The following ZNF519 variants were observed in gnomAD, a reference collection of about 807,000 sequenced individuals.
The protein encoded by ZNF519 is zinc finger protein 519, also known as similar to Zinc finger protein 85 (Zinc finger protein HPF4) (HTF1).
Under a neutral mutation model 7.4 loss-of-function variants are expected in ZNF519, and 7 were observed. The observed-to-expected ratio is 0.94, with a 90% CI of 0.54 to 1.77. The LOEUF is 1.77. ZNF519 is among the 40% of genes most tolerant of loss of function. The pLI is 0.00. For missense variants in ZNF519, 586 were observed against 623.1 expected (o/e 0.94, Z 0.63); for synonymous variants, 179 against 203.3 (o/e 0.88, Z 1.02).
chr18:14,080,325 T>TTG (rs2046065930), intron 3 of ZNF519: 2 of 91,880 alleles, frequency 2.2e-5, no homozygotes, highest in Admixed American at 1.1e-4. Flanking sequence ...GTTTTTTTTT[T>TTG]TTTTTTTTTT....
At chr18:14,129,054 A>G (rs1370252141) in intron 1 of ZNF519, among the ~76,000 whole-genome samples, 3 of 152,146 alleles carry the variant, frequency 2.0e-5, no homozygotes, top group Non-Finnish European at 4.4e-5. Context: ...ATCAAGAACT[A>G]TGGGTGGGGA....
At chr18:14,093,782 T>C (rs2046123561) in intron 2 of ZNF519, among the ~76,000 whole-genome samples, 1 of 152,188 alleles carries the variant, frequency 6.6e-6, no homozygotes, top group East Asian at 1.9e-4. Flanking sequence ...GCTTTAACAA[T>C]TGTCTGACTG....
At chr18:14,093,632 T>C (rs1361341274) in intron 2 of ZNF519, among the ~76,000 whole-genome samples, 1 of 152,332 alleles carries the variant, frequency 6.6e-6, no homozygotes, top group South Asian at 2.1e-4. Context: ...AACCAGAGTA[T>C]GTTCAGAGTG....
At chr18:14,122,833 G>A (rs937262970) in intron 2 of ZNF519, among the ~76,000 whole-genome samples, 1 of 151,602 alleles carries the variant, frequency 6.6e-6, no homozygotes, top group Non-Finnish European at 1.5e-5. Flanking sequence ...ACAACATGCA[G>A]GTTTGTTACA....
At chr18:14,115,029 T>A (rs565967158) in intron 2 of ZNF519, among the ~76,000 whole-genome samples, 2 of 152,240 alleles carry the variant, frequency 1.3e-5, no homozygotes, top group African/African-American at 4.8e-5. Flanking sequence ...CATTTCTTCA[T>A]AGATATATGC....
chr18:14,111,515 G>GAA (rs371322134), intron 2 of ZNF519, among the ~76,000 whole-genome samples: 2 of 72,638 alleles, frequency 2.8e-5, no homozygotes, highest in African/African-American at 5.1e-5. Context: ...TCAAAAAAAA[G>GAA]AAAAAAAAAA....
At chr18:14,123,218 T>TAAAAAAAAAAAAAAAAAAA (rs34503801) in intron 2 of ZNF519, 1 of 143,636 alleles carries the variant, frequency 7.0e-6, no homozygotes, top group African/African-American at 2.7e-5. Context: ...CTTGTTTTAT[T>TAAAAAAAAAAAAAAAAAAA]AAAAAAAAAA....
At chr18:14,112,202 C>T (rs995053616) in intron 2 of ZNF519, among the ~76,000 whole-genome samples, 126 of 152,178 alleles carry the variant, frequency 8.3e-4, no homozygotes, top group African/African-American at 2.8e-3. Flanking sequence ...TGTAATACAT[C>T]ATATCAACAA....
At chr18:14,076,584 G>A (rs2046048533) in exon 5 of ZNF519, 1 of 152,102 alleles carries the variant, frequency 6.6e-6, no homozygotes, top group African/African-American at 2.4e-5. Context: ...TTATTTCAAT[G>A]TCAGAATTGT....
rs140194373 is a variant in ZNF519, at chr18:14,127,901, A to G, written c.4-3425T>C. Among the ~76,000 whole-genome samples the G allele has an allele frequency of 3.3e-4, 50 of 151,788 alleles. No individual in the cohort carries two copies. The East Asian group carries it at 5.0e-3, about 15-fold the overall frequency. On this transcript the variant is annotated intron_variant, in intron 1 of 2. Coordinates refer to ENST00000590202, the MANE Select transcript of ZNF519 (RefSeq NM_145287.4). ...AATCCTGAGAAAGAAAGTTCCCTCT[A>G]AAGTGAAGCCTGGTGGGCACCTTGT...
chr18:14,116,954 T>A (rs538274110), intron 2 of ZNF519, among the ~76,000 whole-genome samples: 1 of 152,284 alleles, frequency 6.6e-6, no homozygotes, highest in Admixed American at 6.5e-5. Flanking sequence ...AAGGTTGCAG[T>A]GAACCAAGAT....
In ZNF519 at chr18:14,105,032, A is replaced by G; in HGVS notation, c.1508T>C (p.Leu503Pro). ...AGTATGAATTCTCTGATGTTGAGTA[A>G]GGTGTGAGCTCCTGGTAAAAGCTTT... ...CGKAFTRSSH[L>P]TQHQRIHTGE... The change falls in exon 3 of 3, where the codon CTT (leucine) becomes CCT (proline). Residue 503 changes from leucine to proline, a missense_variant. Coordinates refer to ENST00000590202, the MANE Select transcript of ZNF519 (RefSeq NM_145287.4). The G allele has an allele frequency of 6.2e-7, 1 of 1,605,198 alleles. No individual in the cohort carries two copies. The highest frequency in any genetic ancestry group is 1.1e-5 in the South Asian group (1 of 90,322).
intron 1 of ZNF519, among the ~76,000 whole-genome samples, chr18:14,130,876 A>G (rs2046326078): frequency 1.3e-5 from 2 of 151,750 alleles, no homozygotes; most frequent in Non-Finnish European, 2.9e-5. Flanking sequence ...AAAAATCCCA[A>G]GGGATTCTTT....
chr18:14,125,265 G>C (rs755440711), intron 1 of ZNF519, among the ~76,000 whole-genome samples: 2 of 152,190 alleles, frequency 1.3e-5, no homozygotes, highest in Non-Finnish European at 2.9e-5. Flanking sequence ...ACAAAGGCAG[G>C]AGATAATGGC....
chr18:14,086,077 G>A (rs1313917285), intron 2 of ZNF519, among the ~76,000 whole-genome samples: 1 of 152,130 alleles, frequency 6.6e-6, no homozygotes, highest in Non-Finnish European at 1.5e-5. Flanking sequence ...TCTAAACCCT[G>A]GGCAGCACAG....
chr18:14,101,970 T>G lies in ZNF519; in HGVS notation c.*2947A>C, dbSNP rs980897988. Reference sequence around the variant, plus strand: ...ATGAATAATTTTAAGACATATAATATTCTCTAATATTCAGGAATAAAGAGG... The same window carrying G: ...ATGAATAATTTTAAGACATATAATAGTCTCTAATATTCAGGAATAAAGAGG... On this transcript the variant is annotated 3_prime_UTR_variant, in exon 3 of 3. Transcript: ENST00000590202. 2.7e-6 allele frequency: 1 copy of G among 377,306 alleles called. No individual in the cohort carries two copies. Among genetic ancestry groups the G allele is most frequent in the African/African-American group, 2.1e-5 (1 of 48,196 alleles). 23.4% of individuals were successfully genotyped at this position (377,306 alleles called of 1,614,324 possible).
chr18:14,083,572 C>T (rs539147880), intron 3 of ZNF519, among the ~76,000 whole-genome samples: 28 of 152,212 alleles, frequency 1.8e-4, no homozygotes, highest in African/African-American at 6.3e-4. Flanking sequence ...CTTTATTTCT[C>T]GATGATATCA....
At chr18:14,099,156 A>T (rs2046149342), downstream of ZNF519, among the ~76,000 whole-genome samples, 2 of 151,658 alleles carry the variant, frequency 1.3e-5, no homozygotes, top group Non-Finnish European at 2.9e-5. Flanking sequence ...ACTTCCCACC[A>T]ACCTAGCCTC....
At chr18:14,094,352 C>T (rs1003427989) in intron 2 of ZNF519, among the ~76,000 whole-genome samples, 1 of 152,200 alleles carries the variant, frequency 6.6e-6, no homozygotes, top group African/African-American at 2.4e-5. Context: ...ATCGGTATCC[C>T]TGCCTTGTTC....
Sources: gnomAD v4.1 joint callset for allele counts (sites outside exome capture counted in the v4.1 genomes callset) on GRCh38, gnomAD v4.1.1 for gene constraint, MANE v1.5 for transcripts, NCBI Gene and HGNC (gene_info 2026-07-23, HGNC 2026-07-21) for gene names.